RSPO2: variants seen among roughly 807,000 people sequenced by gnomAD.
The protein encoded by RSPO2 is R-spondin 2.
RSPO2 carries 14 observed loss-of-function variants against 30.9 expected under a neutral mutation model. That is an observed-to-expected ratio of 0.45 (90% confidence interval 0.30 to 0.71). The LOEUF (loss-of-function observed/expected upper bound fraction) is 0.71. Ranked by LOEUF, RSPO2 falls within the 30% of genes least tolerant of loss-of-function variation. RSPO2 has a pLI of 0.08. For missense variants in RSPO2, 264 were observed against 301.9 expected (o/e 0.87, Z 0.93); for synonymous variants, 107 against 96.4 (o/e 1.11, Z -0.64).
chr8:107,999,553 G>C (rs1815156295), intron 2 of RSPO2, among the ~76,000 whole-genome samples: 1 of 152,114 alleles, frequency 6.6e-6, no homozygotes, highest in Non-Finnish European at 1.5e-5. Flanking sequence ...TCGTGCCTCA[G>C]CCTCCCGAGT....
At chr8:107,998,208 AC>A (rs1391387455) in intron 2 of RSPO2, among the ~76,000 whole-genome samples, 1 of 151,996 alleles carries the variant, frequency 6.6e-6, no homozygotes, top group Non-Finnish European at 1.5e-5. Flanking sequence ...AAAAAAAAAA[AC>A]CCATAGAAGG....
chr8:107,988,374 T>A (rs1814722380), intron 3 of RSPO2, among the ~76,000 whole-genome samples: 1 of 151,610 alleles, frequency 6.6e-6, no homozygotes, highest in African/African-American at 2.4e-5. Context: ...GCTATAGAAA[T>A]TGGTAAACCA....
At chr8:108,032,206 A>T (rs577001414) in intron 2 of RSPO2, among the ~76,000 whole-genome samples, 44 of 152,368 alleles carry the variant, frequency 2.9e-4, no homozygotes, top group Non-Finnish European at 5.6e-4. Context: ...AAAGCAGAGA[A>T]GAGGAAAGGA....
chr8:108,042,440 C>T (rs16877095), intron 2 of RSPO2, among the ~76,000 whole-genome samples: 17,797 of 152,054 alleles, frequency 0.12, 1,352 homozygotes, highest in East Asian at 0.28. Context: ...AGATATGAGA[C>T]GAGCAGTCTT....
chr8:107,980,188 G>A (rs1307111334), intron 3 of RSPO2, among the ~76,000 whole-genome samples: 1 of 152,054 alleles, frequency 6.6e-6, no homozygotes, highest in African/African-American at 2.4e-5. Context: ...CAGCCAGTGT[G>A]TCACCCTCAC....
intron 5 of RSPO2, among the ~76,000 whole-genome samples, chr8:107,925,723 A>C (rs2130325426): frequency 6.6e-6 from 1 of 152,242 alleles, no homozygotes; most frequent in East Asian, 1.9e-4. Flanking sequence ...GTCCCTGCAA[A>C]GGACATGAAC....
chr8:107,908,364 G>A (rs1348140914), intron 5 of RSPO2, among the ~76,000 whole-genome samples: 1 of 152,002 alleles, frequency 6.6e-6, no homozygotes, highest in Non-Finnish European at 1.5e-5. Context: ...GTTTCACATA[G>A]GTAAGCACAA....
intron 2 of RSPO2, among the ~76,000 whole-genome samples, chr8:108,003,311 A>ATTTT (rs869040336): frequency 1.0e-4 from 3 of 29,034 alleles, no homozygotes; most frequent in African/African-American, 1.3e-4. Context: ...ATATATATAT[A>ATTTT]TTTTTTTTTT....
chr8:108,033,351 G>A (rs1811490385), intron 2 of RSPO2, among the ~76,000 whole-genome samples: 1 of 152,170 alleles, frequency 6.6e-6, no homozygotes, highest in African/African-American at 2.4e-5. Context: ...CCCCAGTCCA[G>A]CTGCTAATTA....
At chr8:107,923,582 G>C (rs1812255975) in intron 5 of RSPO2, among the ~76,000 whole-genome samples, 1 of 152,002 alleles carries the variant, frequency 6.6e-6, no homozygotes. Context: ...TACACCCAAA[G>C]AATATAAGTT....
At chr8:107,941,080 C>T (rs547712253) in intron 5 of RSPO2, among the ~76,000 whole-genome samples, 1 of 152,144 alleles carries the variant, frequency 6.6e-6, no homozygotes, top group Admixed American at 6.6e-5. Flanking sequence ...AAAAACCACA[C>T]ATCTTACCCC....
chr8:107,991,500 T>C (rs1297285441), intron 2 of RSPO2, among the ~76,000 whole-genome samples: 7 of 151,992 alleles, frequency 4.6e-5, no homozygotes, highest in Non-Finnish European at 1.0e-4. Flanking sequence ...AGGCAAAGAT[T>C]TCATGATAAA....
intron 5 of RSPO2, among the ~76,000 whole-genome samples, chr8:107,948,415 G>A (rs964753733): frequency 3.3e-5 from 5 of 152,170 alleles, no homozygotes; most frequent in Admixed American, 1.3e-4. Context: ...AATGCAATTC[G>A]GTAAACATTT....
At chr8:108,063,290 T>A (rs959242418) in intron 2 of RSPO2, among the ~76,000 whole-genome samples, 1 of 151,856 alleles carries the variant, frequency 6.6e-6, no homozygotes, top group African/African-American at 2.4e-5. Flanking sequence ...CGCCATCTTC[T>A]CAGCCCAAAA....
chr8:108,002,208 C>G (rs1219267247), intron 2 of RSPO2, among the ~76,000 whole-genome samples: 1 of 152,118 alleles, frequency 6.6e-6, no homozygotes, highest in Non-Finnish European at 1.5e-5. Flanking sequence ...ATGGTAACCC[C>G]AGCATGAGCA....
chr8:108,027,820 T>G (rs995627447), intron 2 of RSPO2, among the ~76,000 whole-genome samples: 2 of 152,204 alleles, frequency 1.3e-5, no homozygotes, highest in Non-Finnish European at 2.9e-5. Context: ...GTCCCCGAGC[T>G]TCTTTCTATA....
chr8:108,049,590 C>T (rs987639855), intron 2 of RSPO2, among the ~76,000 whole-genome samples: 1 of 151,682 alleles, frequency 6.6e-6, no homozygotes, highest in Admixed American at 6.6e-5. Flanking sequence ...TGTGATGTTC[C>T]CCCCTTCCTG....
chr8:108,083,086 C>T (rs1813266625), intron 1 of RSPO2, 111 bp downstream of exon 1: 1 of 162,698 alleles, frequency 6.1e-6, no homozygotes. Flanking sequence ...AAGGAAAGAA[C>T]TCTAAAGGCA....
chr8:108,025,461 G>A (rs147864415), intron 2 of RSPO2, among the ~76,000 whole-genome samples: 61 of 152,212 alleles, frequency 4.0e-4, no homozygotes, highest in African/African-American at 1.3e-3. Context: ...ATAATAAATT[G>A]AATAAAATAA....
Sources: allele counts gnomAD v4.1 joint callset (sites outside exome capture counted in the v4.1 genomes callset), GRCh38; gene constraint gnomAD v4.1.1; transcripts MANE v1.5; gene names NCBI Gene and HGNC (gene_info 2026-07-23, HGNC 2026-07-21).